The following CEP112 variants were observed in gnomAD, a reference collection of about 807,000 sequenced individuals.
CEP112 encodes the protein centrosomal protein 112, also known as centrosomal protein of 112 kDa.
CEP112 carries 127 observed loss-of-function variants against 153.0 expected under a neutral mutation model. The observed-to-expected ratio is 0.83, with a 90% CI of 0.72 to 0.96. The LOEUF (loss-of-function observed/expected upper bound fraction) is 0.96. Among genes scored for constraint, CEP112 ranks in the 40% least tolerant of loss-of-function variants. The probability of loss-of-function intolerance (pLI) is 0.00; values close to 1 mark genes in which losing one functional copy is unlikely to be tolerated. For synonymous variants in CEP112, 358 were observed against 374.4 expected, an observed-to-expected ratio of 0.96 and a Z score of 0.51; for missense variants, 1,089 against 1,101.2, an observed-to-expected ratio of 0.99 and a Z score of 0.16.
chr17:66,128,302 C>CAAAAAAAAAAA (rs33978059), intron 6 of CEP112, among the ~76,000 whole-genome samples: 1 of 73,552 alleles, frequency 1.4e-5, no homozygotes, highest in Non-Finnish European at 2.4e-5. Flanking sequence ...GATTCTGTCT[C>CAAAAAAAAAAA]AAAAAAAAAA....
intron 20 of CEP112, among the ~76,000 whole-genome samples, chr17:65,874,564 C>T (rs972550191): frequency 3.3e-5 from 5 of 152,070 alleles, no homozygotes; most frequent in African/African-American, 1.2e-4. Context: ...CAAATTTTCT[C>T]TCTGAAATAA....
chr17:66,000,616 C>T (rs1044592652), intron 17 of CEP112, among the ~76,000 whole-genome samples: 6 of 152,150 alleles, frequency 3.9e-5, no homozygotes, highest in Non-Finnish European at 8.8e-5. Context: ...CATAACACTT[C>T]GGTGGCAGCA....
chr17:65,787,442 C>T (rs898754872), intron 21 of CEP112, among the ~76,000 whole-genome samples: 1 of 152,174 alleles, frequency 6.6e-6, no homozygotes, highest in Admixed American at 6.5e-5. Context: ...ATAATCGCAC[C>T]AGTGCACTCC....
At chr17:66,151,332 C>G (rs553446141) in intron 4 of CEP112, among the ~76,000 whole-genome samples, 1 of 152,264 alleles carries the variant, frequency 6.6e-6, no homozygotes, top group South Asian at 2.1e-4. Flanking sequence ...TCTAGTTACA[C>G]ATCCTTCTAG....
intron 6 of CEP112, among the ~76,000 whole-genome samples, chr17:66,108,010 T>C (rs2068859358): frequency 6.6e-6 from 1 of 151,994 alleles, no homozygotes; most frequent in South Asian, 2.1e-4. Flanking sequence ...ACAGTGAACT[T>C]ATTTTTGACA....
At chr17:65,660,328 CTCTT>C (rs200900528) in intron 24 of CEP112, among the ~76,000 whole-genome samples, 2,114 of 102,352 alleles carry the variant, frequency 0.021, 138 homozygotes, top group African/African-American at 0.084. Flanking sequence ...TCCTTTCTTT[CTCTT>C]TCTTTCTTTT....
At chr17:65,992,134 AAAGTACAAAAACAGTCAT>A in intron 17 of CEP112, among the ~76,000 whole-genome samples, 3 of 152,290 alleles carry the variant, frequency 2.0e-5, no homozygotes, top group Non-Finnish European at 4.4e-5. Context: ...CTAGCAAATA[AAAGTACAAAAACAGTCAT>A]TATGACTTTG....
chr17:65,781,433 A>G lies in CEP112; in HGVS notation c.2395-30709T>C, dbSNP rs545038886. 5.3e-5 allele frequency among the ~76,000 whole-genome samples: 8 copies of G among 152,310 alleles called. No homozygotes were observed. The South Asian group carries it at 1.7e-3, about 32-fold the overall frequency. On this transcript the variant is annotated intron_variant, in intron 21 of 26. Coordinates refer to ENST00000535342, the MANE Select transcript of CEP112 (RefSeq NM_001199165.4). ...GGCCATACTGCCAAGGCATTTTACA[A>G]TCTACAGATTCAATGCTATTCCTAT...
chr17:66,141,267 T>C (rs182299211), intron 4 of CEP112, among the ~76,000 whole-genome samples: 1 of 152,104 alleles, frequency 6.6e-6, no homozygotes, highest in Admixed American at 6.5e-5. Flanking sequence ...TCAGATTTAG[T>C]AATCATGTTT....
At chr17:65,720,920 CAT>C (rs1461621380) in intron 23 of CEP112, among the ~76,000 whole-genome samples, 1 of 151,736 alleles carries the variant, frequency 6.6e-6, no homozygotes, top group Non-Finnish European at 1.5e-5. Context: ...TTTGAGATCA[CAT>C]AGTTTCTAAA....
intron 24 of CEP112, among the ~76,000 whole-genome samples, chr17:65,669,177 C>T (rs2046843789): frequency 6.6e-6 from 1 of 152,164 alleles, no homozygotes; most frequent in African/African-American, 2.4e-5. Context: ...TTTGACTTCG[C>T]CTGGTGTTAA....
chr17:66,084,340 T>G (rs1041372843), intron 8 of CEP112, among the ~76,000 whole-genome samples: 1 of 152,128 alleles, frequency 6.6e-6, no homozygotes, highest in African/African-American at 2.4e-5. Context: ...AATCAGCATA[T>G]TGAAGAGATA....
At chr17:66,107,180 T>A (rs2068819464) in intron 6 of CEP112, among the ~76,000 whole-genome samples, 1 of 152,032 alleles carries the variant, frequency 6.6e-6, no homozygotes, top group Non-Finnish European at 1.5e-5. Context: ...GACCCACAGC[T>A]CATATCTATA....
At chr17:66,080,323 A>G (rs371578112) in intron 8 of CEP112, among the ~76,000 whole-genome samples, 7 of 152,324 alleles carry the variant, frequency 4.6e-5, no homozygotes, top group South Asian at 2.1e-4. Flanking sequence ...AAGAAAAAAA[A>G]CAAACAACCC....
At chr17:65,912,024 CTCTT>C (rs2060303668) in intron 19 of CEP112, among the ~76,000 whole-genome samples, 1 of 152,134 alleles carries the variant, frequency 6.6e-6, no homozygotes, top group African/African-American at 2.4e-5. Context: ...GATGTGGTCT[CTCTT>C]AAAACAAACG....
At chr17:66,151,831 T>C (rs1057191908) in intron 4 of CEP112, among the ~76,000 whole-genome samples, 1 of 152,176 alleles carries the variant, frequency 6.6e-6, no homozygotes, top group Non-Finnish European at 1.5e-5. Context: ...CAGTCAATAC[T>C]TTGTTTGCAA....
chr17:65,757,589 G>T (rs1712466965), intron 21 of CEP112, among the ~76,000 whole-genome samples: 1 of 152,194 alleles, frequency 6.6e-6, no homozygotes, highest in African/African-American at 2.4e-5. Flanking sequence ...TCTGGAATTT[G>T]CTAACAGCTA....
At chr17:65,672,797 C>A (rs996739190) in intron 24 of CEP112, among the ~76,000 whole-genome samples, 1 of 152,114 alleles carries the variant, frequency 6.6e-6, no homozygotes, top group Non-Finnish European at 1.5e-5. Flanking sequence ...GAGAAAGTCC[C>A]AGATTCACAC....
chr17:65,689,098 C>G, intron 24 of CEP112, 31 bp downstream of exon 24: 1 of 1,482,390 alleles, frequency 6.7e-7, no homozygotes, highest in Non-Finnish European at 9.4e-7. Context: ...AGAAAGTAAA[C>G]AAGAGAGTCA....
Sources: gnomAD v4.1 joint callset for allele counts (sites outside exome capture counted in the v4.1 genomes callset) on GRCh38, gnomAD v4.1.1 for gene constraint, MANE v1.5 for transcripts, NCBI Gene and HGNC (gene_info 2026-07-23, HGNC 2026-07-21) for gene names.